Variants in PKP4 observed in about 807,000 individuals in gnomAD.
PKP4 encodes plakophilin 4, also known as plakophilin-4.
A neutral mutation model predicts 145.1 loss-of-function variants in PKP4; 90 were observed. The observed-to-expected ratio is 0.62, with a 90% CI of 0.52 to 0.74. The LOEUF (loss-of-function observed/expected upper bound fraction) is 0.74. Among genes scored for constraint, PKP4 ranks in the 30% least tolerant of loss-of-function variants. The pLI is 0.00. For missense variants in PKP4, 1,340 were observed against 1,482.7 expected, an observed-to-expected ratio of 0.90 and a Z score of 1.58; for synonymous variants, 563 against 577.2, an observed-to-expected ratio of 0.98 and a Z score of 0.35.
Position 158,657,068 on chromosome 2 carries a change from A to G in PKP4, c.1910-1063A>G, listed in dbSNP as rs559662273. The stretch of plus-strand genomic sequence containing the variant: ...GCCACAAACGTTTTTGTGTGTTGGT[A>G]GTTGTGAAAGCACTGTACAGACTCG... On this transcript the variant is annotated intron_variant, in intron 11 of 21. Coordinates refer to ENST00000389759, the MANE Select transcript of PKP4 (RefSeq NM_003628.6). Among the ~76,000 whole-genome samples, 32 of 152,282 alleles carry G rather than the reference A, an allele frequency of 2.1e-4. 1 individual carries two copies. The East Asian group carries it at 2.7e-3, about 13-fold the overall frequency.
intron 8 of PKP4, among the ~76,000 whole-genome samples, chr2:158,632,178 T>A (rs1248716499): frequency 1.3e-5 from 2 of 152,236 alleles, no homozygotes; most frequent in African/African-American, 4.8e-5. Flanking sequence ...ATACTGTTAA[T>A]TCAGGAATAA....
intron 3 of PKP4, among the ~76,000 whole-genome samples, chr2:158,598,966 A>G (rs755098228): frequency 7.2e-5 from 11 of 152,130 alleles, no homozygotes; most frequent in Non-Finnish European, 1.0e-4. Context: ...AGTGTGAAAC[A>G]GTATGGTGTG....
intron 2 of PKP4, among the ~76,000 whole-genome samples, chr2:158,571,897 T>C (rs559410959): frequency 6.6e-6 from 1 of 152,264 alleles, no homozygotes; most frequent in East Asian, 1.9e-4. Flanking sequence ...GAGACCTAAT[T>C]CTGAAAGCTA....
intron 2 of PKP4, among the ~76,000 whole-genome samples, chr2:158,572,368 G>C (rs2047481798): frequency 6.6e-6 from 1 of 152,174 alleles, no homozygotes; most frequent in Non-Finnish European, 1.5e-5. Flanking sequence ...TAAAATATTT[G>C]AATTGTCTTT....
At chr2:158,565,266 G>C (rs1299791004) in intron 2 of PKP4, among the ~76,000 whole-genome samples, 1 of 152,104 alleles carries the variant, frequency 6.6e-6, no homozygotes, top group Non-Finnish European at 1.5e-5. Context: ...ATATTAAATT[G>C]TGCCCATTCC....
intron 1 of PKP4, among the ~76,000 whole-genome samples, chr2:158,524,259 G>T (rs1319696190): frequency 8.1e-6 from 1 of 123,870 alleles, no homozygotes; most frequent in East Asian, 2.3e-4. Flanking sequence ...TCAAAGGGAA[G>T]CCCATCAGAC....
At chr2:158,626,419 T>C (rs192290344) in intron 7 of PKP4, among the ~76,000 whole-genome samples, 229 of 152,356 alleles carry the variant, frequency 1.5e-3, no homozygotes, top group Non-Finnish European at 2.9e-3. Flanking sequence ...ATTTTCCTCC[T>C]AATGGACAGT....
intron 19 of PKP4, 21 bp from the exon 20 acceptor site, chr2:158,676,718 C>G (rs2058044124): frequency 6.2e-7 from 1 of 1,613,878 alleles, no homozygotes; most frequent in Non-Finnish European, 8.5e-7. Flanking sequence ...TCTTTCTCTC[C>G]TCCTTTGCCT....
At chr2:158,561,926 C>G (rs4664975) in intron 2 of PKP4, among the ~76,000 whole-genome samples, 2 of 136,728 alleles carry the variant, frequency 1.5e-5, no homozygotes, top group Non-Finnish European at 3.1e-5. Flanking sequence ...ATCCCTCCCC[C>G]CAGCCCCCCA....
chr2:158,584,631 G>A (rs890112296), intron 3 of PKP4, among the ~76,000 whole-genome samples: 1 of 152,042 alleles, frequency 6.6e-6, no homozygotes, highest in Non-Finnish European at 1.5e-5. Flanking sequence ...AAACTAGCCT[G>A]GCCAACATAG....
chr2:158,641,755 T>G (rs936823346), intron 10 of PKP4, among the ~76,000 whole-genome samples: 4 of 152,218 alleles, frequency 2.6e-5, no homozygotes, highest in Non-Finnish European at 5.9e-5. Context: ...GAGAGTAGCC[T>G]AGAGAACTCA....
Position 158,623,265 on chromosome 2 carries a change from C to T in PKP4, c.604-1613C>T, listed in dbSNP as rs575338130. ...CATAGCTCACTATAGTCTCAATCCC[C>T]TGGGCTCAAGCGATTTTCCTGACTC... On this transcript the variant is annotated intron_variant, in intron 6 of 21. Transcript: ENST00000389759. 1.0e-3 allele frequency among the ~76,000 whole-genome samples: 157 copies of T among 152,280 alleles called. 1 individual carries two copies. The highest frequency in any genetic ancestry group is 5.9e-4 in the Non-Finnish European group (40 of 68,032).
intron 1 of PKP4, among the ~76,000 whole-genome samples, chr2:158,491,613 G>A (rs1019627429): frequency 9.2e-5 from 14 of 151,714 alleles, no homozygotes; most frequent in Admixed American, 3.3e-4. Context: ...TTATTATGGC[G>A]TTACAAAAGT....
At position 158,643,712 on chromosome 2, in the gene PKP4, C is replaced by CAAA. The variant is rs762303684; in HGVS notation, c.1909+1027_1909+1029dup. Among the ~76,000 whole-genome samples, 205 of 69,748 alleles carry CAAA rather than the reference C, an allele frequency of 2.9e-3. 1 individual carries two copies. Among genetic ancestry groups the CAAA allele is most frequent in the South Asian group, 6.0e-3 (9 of 1,510 alleles). The allele number at this position is 69,748 out of a possible 152,430, so 45.8% of individuals were successfully genotyped here. A position where few individuals can be genotyped will look rare whatever the true frequency, so the allele number is the denominator to read the frequency against. On this transcript the variant is annotated intron_variant, in intron 11 of 21. Coordinates refer to ENST00000389759, the MANE Select transcript of PKP4 (RefSeq NM_003628.6). ...CTGGATGACAAGTGAGGCCCTGTTT[C>CAAA]AAAAAAAAAAAAAAAAGAAAAGAAA...
At chr2:158,477,589 A>G (rs1692682260) in intron 1 of PKP4, among the ~76,000 whole-genome samples, 1 of 152,244 alleles carries the variant, frequency 6.6e-6, no homozygotes, top group Non-Finnish European at 1.5e-5. Flanking sequence ...AGAAAGAAGT[A>G]TCAGTCTTAA....
At chr2:158,602,290 T>C (rs2050294304) in intron 3 of PKP4, among the ~76,000 whole-genome samples, 1 of 152,204 alleles carries the variant, frequency 6.6e-6, no homozygotes, top group South Asian at 2.1e-4. Flanking sequence ...TGTTTCTTTG[T>C]CTGTAAGATA....
intron 2 of PKP4, among the ~76,000 whole-genome samples, chr2:158,570,362 A>T (rs1384903770): frequency 6.6e-6 from 1 of 152,218 alleles, no homozygotes; most frequent in Non-Finnish European, 1.5e-5. Flanking sequence ...CATCTTTTTG[A>T]TGTGGGAAAT....
In PKP4 at chr2:158,621,129, G is replaced by T; in HGVS notation, c.412+8G>T. On this transcript the variant is annotated splice_region_variant and intron_variant, in intron 5 of 21. Coordinates refer to ENST00000389759, the MANE Select transcript of PKP4 (RefSeq NM_003628.6). ...CTCTCCATGAAAGTGAGGGTCTGTT[G>T]TGTTATCTTTTAAGTACTGGATTTG... The T allele has an allele frequency of 6.2e-7, 1 of 1,614,138 alleles. No individual in the cohort carries two copies. Among genetic ancestry groups the T allele is most frequent in the Non-Finnish European group, 8.5e-7 (1 of 1,180,006 alleles).
intron 1 of PKP4, among the ~76,000 whole-genome samples, chr2:158,502,303 G>C (rs1181226963): frequency 6.6e-6 from 1 of 152,160 alleles, no homozygotes; most frequent in Non-Finnish European, 1.5e-5. Context: ...TTGCAGCTTA[G>C]GGTCCATAAG....
Sources: gnomAD v4.1 joint callset for allele counts (sites outside exome capture counted in the v4.1 genomes callset) on GRCh38, gnomAD v4.1.1 for gene constraint, MANE v1.5 for transcripts, NCBI Gene and HGNC (gene_info 2026-07-23, HGNC 2026-07-21) for gene names.